Variants in ZNF704 observed in about 807,000 individuals in gnomAD.
The protein encoded by ZNF704 is zinc finger protein 704.
In ZNF704, 10 loss-of-function variants were observed where a neutral mutation model predicts 44.7. The observed-to-expected ratio is 0.22, with a 90% CI of 0.14 to 0.38. The LOEUF is 0.38. Ranked by LOEUF, ZNF704 falls within the 10% of genes least tolerant of loss-of-function variation. The pLI is 1.00. For missense variants in ZNF704, 390 were observed against 545.5 expected, an observed-to-expected ratio of 0.71 and a Z score of 2.84; for synonymous variants, 211 against 207.6, an observed-to-expected ratio of 1.02 and a Z score of -0.14.
intron 7 of ZNF704, among the ~76,000 whole-genome samples, chr8:80,657,974 A>G (rs1456716836): frequency 6.6e-6 from 1 of 152,150 alleles, no homozygotes; most frequent in Admixed American, 6.5e-5. Flanking sequence ...TTGTTGAAAA[A>G]CGAGTGATAT....
At chr8:80,751,132 A>T (rs1007798955) in intron 2 of ZNF704, among the ~76,000 whole-genome samples, 13 of 152,154 alleles carry the variant, frequency 8.5e-5, no homozygotes, top group Non-Finnish European at 1.5e-4. Flanking sequence ...ATCTGGACAT[A>T]TTTATTAGAA....
rs1817624735 is a variant in ZNF704 at position 80,633,824 on chromosome 8, C to T, written c.*7542G>A. The T allele has an allele frequency of 6.6e-6, 1 of 152,186 alleles. No individual in the cohort carries two copies. The highest frequency in any genetic ancestry group is 2.4e-5 in the African/African-American group (1 of 41,454). The allele number at this position is 152,186 out of a possible 1,614,324, so 9.4% of individuals were successfully genotyped here. A position where few individuals can be genotyped will look rare whatever the true frequency, so the allele number is the denominator to read the frequency against. On this transcript the variant is annotated 3_prime_UTR_variant, in exon 9 of 9. Transcript: ENST00000327835. ...TGATGTAAGATAGAGTTTAAAATAACTTAGTCCATCTAAATGAAGGAAGCA... is the reference window on the plus strand; with the variant it reads ...TGATGTAAGATAGAGTTTAAAATAATTTAGTCCATCTAAATGAAGGAAGCA...
intron 7 of ZNF704, 145 bp downstream of exon 7, chr8:80,659,440 T>C (rs1818063974): frequency 2.9e-6 from 2 of 698,098 alleles, no homozygotes. Context: ...TATCTGCTGA[T>C]GAGTTTACAA....
chr8:80,757,026 G>C (rs952299578), intron 2 of ZNF704, among the ~76,000 whole-genome samples: 1 of 152,206 alleles, frequency 6.6e-6, no homozygotes, highest in African/African-American at 2.4e-5. Context: ...TAATAGAGCT[G>C]AAAAATTCCT....
chr8:80,845,127 G>C (rs1030439012), intron 1 of ZNF704, among the ~76,000 whole-genome samples: 3 of 151,892 alleles, frequency 2.0e-5, no homozygotes, highest in Non-Finnish European at 4.4e-5. Flanking sequence ...AGCCTTTCAG[G>C]AACATCAAAA....
At chr8:80,680,356 T>G (rs1818433542) in intron 4 of ZNF704, among the ~76,000 whole-genome samples, 1 of 148,422 alleles carries the variant, frequency 6.7e-6, no homozygotes, top group African/African-American at 2.6e-5. Flanking sequence ...TAAAAGGATC[T>G]TCAGGTATTT....
chr8:80,689,065 C>CT (rs1250068110), intron 3 of ZNF704, among the ~76,000 whole-genome samples: 2 of 148,418 alleles, frequency 1.3e-5, no homozygotes, highest in African/African-American at 2.5e-5. Flanking sequence ...ATAAATTTTA[C>CT]TTTTTTTTGG....
rs146426693 is a variant in ZNF704 at position 80,693,865 on chromosome 8, T to G, written c.222-758A>C. ...TTTAAGCAGGCCTAGTGAAGTAATATGATGAATATTTGTAATATAATTAGC... is the reference window on the plus strand; with the variant it reads ...TTTAAGCAGGCCTAGTGAAGTAATAGGATGAATATTTGTAATATAATTAGC... On this transcript the variant is annotated intron_variant, in intron 2 of 8. Coordinates refer to ENST00000327835, the MANE Select transcript of ZNF704 (RefSeq NM_001033723.3). Among the ~76,000 whole-genome samples the G allele has an allele frequency of 4.9e-4, 74 of 152,252 alleles. 1 individual carries two copies. In the East Asian group the frequency reaches 0.013, roughly 27 times the overall value.
intron 2 of ZNF704, among the ~76,000 whole-genome samples, chr8:80,749,072 G>A (rs1341632553): frequency 6.6e-6 from 1 of 152,128 alleles, no homozygotes; most frequent in East Asian, 1.9e-4. Flanking sequence ...CAGCCCCTGT[G>A]CCCACAACGG....
chr8:80,878,979 G>A (rs141843409), upstream of ZNF704, among the ~76,000 whole-genome samples: 278 of 152,236 alleles, frequency 1.8e-3, 1 homozygote, highest in African/African-American at 6.5e-3. Context: ...TAAATAGAAC[G>A]CTGGATTGAG....
chr8:80,841,315 C>A (rs192861126), intron 1 of ZNF704, among the ~76,000 whole-genome samples: 24 of 152,326 alleles, frequency 1.6e-4, no homozygotes, highest in South Asian at 2.1e-4. Context: ...TAGGCCACAG[C>A]AGCACAGGAA....
At chr8:80,850,200 T>C (rs190543422) in intron 1 of ZNF704, among the ~76,000 whole-genome samples, 54 of 152,334 alleles carry the variant, frequency 3.5e-4, no homozygotes, top group Non-Finnish European at 2.2e-4. Context: ...TGTTACATGC[T>C]TGGTATGGAA....
chr8:80,778,789 A>G (rs1374723747), intron 2 of ZNF704, among the ~76,000 whole-genome samples: 1 of 152,136 alleles, frequency 6.6e-6, no homozygotes, highest in African/African-American at 2.4e-5. Context: ...CTCACTTACA[A>G]GTGGGAGCTA....
chr8:80,755,642 G>C (rs1199612846), intron 2 of ZNF704, among the ~76,000 whole-genome samples: 1 of 152,090 alleles, frequency 6.6e-6, no homozygotes, highest in African/African-American at 2.4e-5. Flanking sequence ...GGCATCTATG[G>C]TGCTTCCCTG....
intron 5 of ZNF704, among the ~76,000 whole-genome samples, chr8:80,668,889 G>C (rs551024958): frequency 6.6e-6 from 1 of 152,106 alleles, no homozygotes; most frequent in Non-Finnish European, 1.5e-5. Flanking sequence ...ACAGGCCCCG[G>C]GCTTCATAAG....
At chr8:80,862,764 CAAAAA>C (rs71266094) in intron 1 of ZNF704, among the ~76,000 whole-genome samples, 1 of 13,098 alleles carries the variant, frequency 7.6e-5, no homozygotes, top group Non-Finnish European at 1.6e-4. Flanking sequence ...GACTCCGTCT[CAAAAA>C]AAAAAAAAAA....
At chr8:80,775,707 G>A (rs1244587770) in intron 2 of ZNF704, among the ~76,000 whole-genome samples, 1 of 152,140 alleles carries the variant, frequency 6.6e-6, no homozygotes, top group Non-Finnish European at 1.5e-5. Flanking sequence ...TGGAAGAAAT[G>A]CAAAAATTAT....
At chr8:80,868,747 G>A (rs76290232) in intron 1 of ZNF704, among the ~76,000 whole-genome samples, 4 of 152,020 alleles carry the variant, frequency 2.6e-5, no homozygotes, top group Admixed American at 6.6e-5. Flanking sequence ...TTCTTTTATT[G>A]ATTTTTTTGG....
chr8:80,832,219 T>C (rs931962435), intron 1 of ZNF704, among the ~76,000 whole-genome samples: 10 of 152,254 alleles, frequency 6.6e-5, no homozygotes, highest in African/African-American at 2.4e-4. Context: ...TTGCCATTTT[T>C]TTTTTAACAA....
Sources: gnomAD v4.1 joint callset for allele counts (sites outside exome capture counted in the v4.1 genomes callset) on GRCh38, gnomAD v4.1.1 for gene constraint, MANE v1.5 for transcripts, NCBI Gene and HGNC (gene_info 2026-07-23, HGNC 2026-07-21) for gene names.